FEZ2: variants seen among roughly 807,000 people sequenced by gnomAD.
FEZ2 encodes the protein fasciculation and elongation protein zeta-2.
In FEZ2, 51 loss-of-function variants were observed where a neutral mutation model predicts 40.4. The ratio of observed to expected loss-of-function variants is 1.26; its 90% CI spans 1.01 to 1.59. FEZ2 has a LOEUF of 1.59. Ranked by LOEUF, FEZ2 falls within the 40% of genes most tolerant of loss-of-function variation. FEZ2 has a pLI of 0.00. For synonymous variants in FEZ2, 242 were observed against 172.0 expected (o/e 1.41, Z -3.18); for missense variants, 640 against 438.3 (o/e 1.46, Z -4.11).
chr2:36,559,333 GT>G (rs1046915124), intron 5 of FEZ2: 2 of 152,068 alleles, frequency 1.3e-5, no homozygotes, highest in African/African-American at 4.8e-5. Flanking sequence ...AAATAGTTCC[GT>G]GCATTTCACA....
At chr2:36,584,317 C>G (rs189493578) in intron 2 of FEZ2, among the ~76,000 whole-genome samples, 118 of 152,316 alleles carry the variant, frequency 7.7e-4, no homozygotes, top group Admixed American at 3.1e-3. Context: ...CTCTCCTTAC[C>G]TCTTCATGCC....
In FEZ2 at chr2:36,583,354, TG is replaced by T; in HGVS notation, c.490del (p.Gln164ArgfsTer9). The T allele has an allele frequency of 6.6e-7, 1 of 1,517,740 alleles. No individual in the cohort carries two copies. Among genetic ancestry groups the T allele is most frequent in the Non-Finnish European group, 9.2e-7 (1 of 1,092,368 alleles). The allele number at this position is 1,517,740 out of a possible 1,614,324, so 94.0% of individuals were successfully genotyped here. On this transcript the variant is annotated frameshift_variant and splice_region_variant, in exon 3 of 8. Coordinates refer to ENST00000405912, the MANE Select transcript of FEZ2 (RefSeq NM_005102.3). LOFTEE classifies it high-confidence loss of function. ...VNDEPLFTADQVIEEIEEMMQ... is the reference protein window; with the variant it reads ...VNDEPLFTADXVIEEIEEMMQ... Reference sequence around the variant, plus strand: ...CGTTGCTGAGGATCTCCTCTATACCTGGTCTGCCGTGAAGAGGGGTTCATCA... The same window carrying T: ...CGTTGCTGAGGATCTCCTCTATACCTGTCTGCCGTGAAGAGGGGTTCATCA...
At chr2:36,592,657 A>C (rs930438377) in intron 1 of FEZ2, among the ~76,000 whole-genome samples, 1 of 151,196 alleles carries the variant, frequency 6.6e-6, no homozygotes, top group Admixed American at 6.6e-5. Context: ...AAAAAAAAAA[A>C]AAAAAAAAAT....
At chr2:36,567,661 C>G (rs1157263055) in intron 5 of FEZ2, among the ~76,000 whole-genome samples, 2 of 151,936 alleles carry the variant, frequency 1.3e-5, no homozygotes, top group African/African-American at 4.8e-5. Flanking sequence ...ACTCGAGAGG[C>G]TCAGGCAGGA....
chr2:36,572,396 C>T (rs1264701331), intron 5 of FEZ2, among the ~76,000 whole-genome samples: 1 of 152,210 alleles, frequency 6.6e-6, no homozygotes, highest in African/African-American at 2.4e-5. Flanking sequence ...AGAAACATTA[C>T]AGTACTCTTT....
chr2:36,567,114 C>A (rs976764735), intron 5 of FEZ2, among the ~76,000 whole-genome samples: 1 of 152,082 alleles, frequency 6.6e-6, no homozygotes, highest in Non-Finnish European at 1.5e-5. Flanking sequence ...TTTCCATCCC[C>A]GCAGCTTGCA....
chr2:36,573,864 G>A (rs1045728164), intron 5 of FEZ2, among the ~76,000 whole-genome samples: 1 of 152,204 alleles, frequency 6.6e-6, no homozygotes, highest in Non-Finnish European at 1.5e-5. Flanking sequence ...GTTGGCGGGA[G>A]GTGTGGGAAA....
intron 5 of FEZ2, among the ~76,000 whole-genome samples, chr2:36,568,529 A>G (rs992000062): frequency 6.6e-6 from 1 of 152,186 alleles, no homozygotes; most frequent in African/African-American, 2.4e-5. Flanking sequence ...GAAAATTCTG[A>G]ATCTGAAGTT....
chr2:36,588,521 G>A (rs1285978920), intron 2 of FEZ2, among the ~76,000 whole-genome samples: 1 of 152,098 alleles, frequency 6.6e-6, no homozygotes, highest in African/African-American at 2.4e-5. Flanking sequence ...ATTTGTTCCA[G>A]GACACCCCAA....
At chr2:36,569,562 A>C (rs1668350079) in intron 5 of FEZ2, among the ~76,000 whole-genome samples, 1 of 152,254 alleles carries the variant, frequency 6.6e-6, no homozygotes, top group African/African-American at 2.4e-5. Context: ...TATGCTACAT[A>C]AAAGTGAACA....
intron 6 of FEZ2, 83 bp downstream of exon 6, chr2:36,558,355 C>G: frequency 1.2e-6 from 1 of 806,012 alleles, no homozygotes; most frequent in South Asian, 2.2e-5. Context: ...AAAACACTAA[C>G]AACAAAATCA....
At chr2:36,584,421 C>T (rs11693359) in intron 2 of FEZ2, among the ~76,000 whole-genome samples, 50,422 of 152,040 alleles carry the variant, frequency 0.33, 8,477 homozygotes, top group Middle Eastern at 0.52. Context: ...CCAATATAAA[C>T]AGCCTTAGAG....
chr2:36,578,618 C>A lies in FEZ2; in HGVS notation c.882G>T (p.Glu294Asp). The change falls in exon 5 of 8, where the codon GAG (glutamate) becomes GAT (aspartate). Residue 294 changes from glutamate (E) to aspartate (D), a missense_variant. Transcript: ENST00000405912. ...TTACTGTGCCGGGCATATGACTTCT[C>A]TCATTCTTCCCATTCTGAGAGCTGC... ...KNGSSQNGKNERSHMPGTYLT... is the reference protein window; with the variant it reads ...KNGSSQNGKNDRSHMPGTYLT... The A allele has an allele frequency of 6.2e-7, 1 of 1,612,886 alleles. No homozygotes were observed. The highest frequency in any genetic ancestry group is 8.5e-7 in the Non-Finnish European group (1 of 1,179,660).
At chr2:36,556,376 A>G (rs1667962294) in intron 6 of FEZ2, 1 of 156,738 alleles carries the variant, frequency 6.4e-6, no homozygotes, top group South Asian at 2.0e-4. Context: ...CTAAAATAGA[A>G]AAAGCAGCCA....
At chr2:36,579,574 C>T (rs1668674402) in intron 4 of FEZ2, among the ~76,000 whole-genome samples, 1 of 152,064 alleles carries the variant, frequency 6.6e-6, no homozygotes, top group African/African-American at 2.4e-5. Context: ...CCTCCTGCTC[C>T]AGCCATGTGA....
At chr2:36,556,172 T>C in intron 6 of FEZ2, 1 of 389,884 alleles carries the variant, frequency 2.6e-6, no homozygotes, top group Non-Finnish European at 5.1e-6. Flanking sequence ...CTTAAAGAAA[T>C]GGACAGCTAT....
chr2:36,570,316 G>A lies in FEZ2; in HGVS notation c.903+8281C>T, dbSNP rs183679585. 1.3e-4 allele frequency among the ~76,000 whole-genome samples: 20 copies of A among 152,078 alleles called. No homozygotes were observed. The East Asian group carries it at 3.3e-3, about 25-fold the overall frequency. ...CTTCAATATTAAACAACTGTTATAT[G>A]AGTTTATTTTTATGGCAGAAAAAAT... is the stretch of plus-strand genomic sequence containing the variant. On this transcript the variant is annotated intron_variant, in intron 5 of 7. Transcript: ENST00000405912.
At chr2:36,562,081 C>CA (rs1036234070) in intron 5 of FEZ2, among the ~76,000 whole-genome samples, 2 of 152,148 alleles carry the variant, frequency 1.3e-5, no homozygotes, top group African/African-American at 4.8e-5. Context: ...TTCCAAATGA[C>CA]AGACTGAATG....
intron 1 of FEZ2, among the ~76,000 whole-genome samples, chr2:36,592,249 C>CTGTTTT (rs1238660913): frequency 6.6e-6 from 1 of 152,026 alleles, no homozygotes; most frequent in African/African-American, 2.4e-5. Context: ...AAAAACAATC[C>CTGTTTT]TGGCTGGGGC....
Sources: allele counts gnomAD v4.1 joint callset (sites outside exome capture counted in the v4.1 genomes callset), GRCh38; gene constraint gnomAD v4.1.1; transcripts MANE v1.5; gene names NCBI Gene and HGNC (gene_info 2026-07-23, HGNC 2026-07-21).